The following JHY variants were observed in gnomAD, a reference collection of about 807,000 sequenced individuals.
JHY encodes jhy protein homolog.
JHY carries 69 observed loss-of-function variants against 78.0 expected under a neutral mutation model. The ratio of observed to expected loss-of-function variants is 0.88; its 90% CI spans 0.73 to 1.08. JHY has a LOEUF of 1.08. Among genes scored for constraint, JHY ranks in the 50% least tolerant of loss-of-function variants. The pLI is 0.00. For synonymous variants in JHY, 368 were observed against 342.6 expected (o/e 1.07, Z -0.82); for missense variants, 944 against 927.8 (o/e 1.02, Z -0.23).
chr11:122,929,902 C>G (rs919619496), intron 4 of JHY, among the ~76,000 whole-genome samples: 1 of 151,884 alleles, frequency 6.6e-6, no homozygotes. Context: ...AAAAAAGTGC[C>G]CACAGGATTT....
At chr11:122,905,331 T>G in intron 3 of JHY, 2 of 1,557,422 alleles carry the variant, frequency 1.3e-6, no homozygotes, top group Non-Finnish European at 1.7e-6. Flanking sequence ...AATGGTAGAG[T>G]CCACCACTCT....
intron 1 of JHY, among the ~76,000 whole-genome samples, chr11:122,885,137 C>T (rs778685529): frequency 8.5e-5 from 13 of 152,064 alleles, no homozygotes; most frequent in Admixed American, 2.0e-4. Flanking sequence ...TAAAAAATAC[C>T]GGATGAGGTT....
intron 3 of JHY, among the ~76,000 whole-genome samples, chr11:122,921,204 G>A (rs1347228798): frequency 6.6e-6 from 1 of 152,200 alleles, no homozygotes; most frequent in African/African-American, 2.4e-5. Context: ...TTCTGGAATA[G>A]GAAGCGTGGG....
rs1356970475 is a variant in JHY, at chr11:122,961,404, G to A, written c.*1959G>A. ...TGCAGTGGCACAATCTCGGTTCACT[G>A]CAACTCCGCCTCCTGGATTCAAGCG... On this transcript the variant is annotated 3_prime_UTR_variant, in exon 9 of 9. Transcript: ENST00000227349. 1.9e-5 allele frequency among the ~76,000 whole-genome samples: 2 copies of A among 106,756 alleles called. No individual in the cohort carries two copies. Among genetic ancestry groups the A allele is most frequent in the Non-Finnish European group, 4.5e-5 (2 of 44,922 alleles). 70.0% of individuals were successfully genotyped at this position (106,756 alleles called of 152,430 possible).
chr11:122,887,729 A>C (rs190641786), intron 2 of JHY, among the ~76,000 whole-genome samples: 270 of 152,218 alleles, frequency 1.8e-3, no homozygotes, highest in African/African-American at 6.3e-3. Flanking sequence ...ATAACAGAAG[A>C]GAATGGGAGT....
chr11:122,938,610 A>G (rs992542289), intron 5 of JHY, among the ~76,000 whole-genome samples: 2 of 151,878 alleles, frequency 1.3e-5, no homozygotes, highest in African/African-American at 4.8e-5. Flanking sequence ...TTTGTCAGTG[A>G]TGTTTGTTTC....
chr11:122,889,340 A>T lies in JHY; in HGVS notation c.344+3147A>T, dbSNP rs945841419. 1.8e-4 allele frequency among the ~76,000 whole-genome samples: 27 copies of T among 152,062 alleles called. 1 individual carries two copies. Among genetic ancestry groups the T allele is most frequent in the African/African-American group, 6.5e-4 (27 of 41,366 alleles). ...TGGCTTTCCGTATCCATGGTTTCGC[A>T]TCTGTGGATCCAACCAAACATAGAT... On this transcript the variant is annotated intron_variant, in intron 2 of 8. Coordinates refer to ENST00000227349, the MANE Select transcript of JHY (RefSeq NM_024806.4).
At chr11:122,896,791 G>A (rs998087610) in intron 2 of JHY, among the ~76,000 whole-genome samples, 1 of 152,174 alleles carries the variant, frequency 6.6e-6, no homozygotes, top group Non-Finnish European at 1.5e-5. Flanking sequence ...GCTTCCACAG[G>A]TAGTCCTCAT....
Position 122,923,159 on chromosome 11 carries a change from TGTC to T in JHY, c.865-1737_865-1735del, listed in dbSNP as rs1024357039. On this transcript the variant is annotated intron_variant, in intron 3 of 8. Coordinates refer to ENST00000227349, the MANE Select transcript of JHY (RefSeq NM_024806.4). ...TCAGCTTCTAGCTGCGCAGAGCTGT[TGTC>T]TGAAGAAGGAGTTAGTCTGTTCTGT... 4.6e-5 allele frequency among the ~76,000 whole-genome samples: 7 copies of T among 152,332 alleles called. No homozygotes were observed. In the East Asian group the frequency reaches 7.7e-4, roughly 17 times the overall value.
Position 122,929,596 on chromosome 11 carries a change from C to A in JHY, c.978+4586C>A, listed in dbSNP as rs138005976. 9.8e-4 allele frequency among the ~76,000 whole-genome samples: 149 copies of A among 152,198 alleles called. 5 individuals carry two copies. In the East Asian group the frequency reaches 0.027, roughly 28 times the overall value. ...GACTCAGACTGGAGAAGAGATTGTT[C>A]GCAATCTAAGCAGGTACCCAGCAGT... On this transcript the variant is annotated intron_variant, in intron 4 of 8. Coordinates refer to ENST00000227349, the MANE Select transcript of JHY (RefSeq NM_024806.4).
Position 122,886,183 on chromosome 11 carries a change from G to A in JHY, c.334G>A (p.Ala112Thr), listed in dbSNP as rs771496045. The A allele has an allele frequency of 9.3e-6, 15 of 1,608,692 alleles. No individual in the cohort carries two copies. In the East Asian group the frequency reaches 1.3e-4, roughly 14 times the overall value. Residue 112 changes from alanine to threonine, a missense_variant, in exon 2 of 9, where the codon GCC becomes ACC. Ala to Thr is a moderately conservative substitution (Grantham distance 58, BLOSUM62 0). Transcript: ENST00000227349. Reference protein sequence around the residue: ...EQNHHTWDQGANNRQQPIEDK... With the variant: ...EQNHHTWDQGTNNRQQPIEDK... ...AAACCACCATACCTGGGACCAGGGCGCCAATAACAGGTAAGGAATTGGCTT... is the reference window on the plus strand; with the variant it reads ...AAACCACCATACCTGGGACCAGGGCACCAATAACAGGTAAGGAATTGGCTT...
At chr11:122,920,581 T>G (rs1863340451) in intron 3 of JHY, among the ~76,000 whole-genome samples, 1 of 152,212 alleles carries the variant, frequency 6.6e-6, no homozygotes, top group South Asian at 2.1e-4. Flanking sequence ...TGCTGTCTGA[T>G]TCTCTAAGAA....
At chr11:122,958,698 G>T in intron 8 of JHY, 2 of 980,300 alleles carry the variant, frequency 2.0e-6, no homozygotes, top group Non-Finnish European at 2.4e-6. Flanking sequence ...TTTCAGAACT[G>T]ACATCACTGA....
At chr11:122,949,700 C>G (rs1864044838) in intron 6 of JHY, among the ~76,000 whole-genome samples, 2 of 152,128 alleles carry the variant, frequency 1.3e-5, no homozygotes, top group Non-Finnish European at 2.9e-5. Flanking sequence ...TTCACGCTCT[C>G]ATGTCCTCCC....
intron 5 of JHY, among the ~76,000 whole-genome samples, chr11:122,938,016 T>TTG (rs1863793610): frequency 6.6e-6 from 1 of 151,854 alleles, no homozygotes; most frequent in Non-Finnish European, 1.5e-5. Context: ...ATCTGTTTTT[T>TTG]TTGTTGTTGT....
At chr11:122,897,809 C>T (rs1439234828) in intron 2 of JHY, among the ~76,000 whole-genome samples, 2 of 152,178 alleles carry the variant, frequency 1.3e-5, no homozygotes, top group Non-Finnish European at 2.9e-5. Context: ...TTAAATACCA[C>T]GACCAGTATG....
chr11:122,910,411 C>T (rs768799846), intron 3 of JHY, among the ~76,000 whole-genome samples: 3 of 151,240 alleles, frequency 2.0e-5, no homozygotes, highest in Non-Finnish European at 2.9e-5. Flanking sequence ...GCAGGGTTTC[C>T]GTGAGCCAAG....
chr11:122,904,416 A>T lies in JHY; in HGVS notation c.836A>T (p.Lys279Ile), dbSNP rs1862942425. The change falls in exon 3 of 9, where the codon AAA becomes ATA. Residue 279 changes from lysine to isoleucine, a missense_variant. Physicochemically the swap from Lys to Ile is moderately radical, Grantham distance 102. Transcript: ENST00000227349. ...GACTCTTATCTTCAACTTCACAATA[A>T]AAAAAGAGGGGAATCTCATCCAGAA... ...KTDSYLQLHN[K>I]KRGESHPEQI... 6.2e-7 allele frequency: 1 copy of T among 1,613,266 alleles called. No homozygotes were observed. Among genetic ancestry groups the T allele is most frequent in the African/African-American group, 1.3e-5 (1 of 74,944 alleles).
At chr11:122,905,160 C>G (rs1940269259) in intron 3 of JHY, 1 of 1,601,442 alleles carries the variant, frequency 6.2e-7, no homozygotes, top group Admixed American at 1.7e-5. Context: ...AATGCCTTCT[C>G]TTCCTCATCA....
Sources: gnomAD v4.1 joint callset for allele counts (sites outside exome capture counted in the v4.1 genomes callset) on GRCh38, gnomAD v4.1.1 for gene constraint, MANE v1.5 for transcripts, NCBI Gene and HGNC (gene_info 2026-07-23, HGNC 2026-07-21) for gene names.